The following SPEF2 variants were observed in gnomAD, a reference collection of about 807,000 sequenced individuals.
The protein encoded by SPEF2 is sperm flagella and cilia-associated protein 2.
A neutral mutation model predicts 224.6 loss-of-function variants in SPEF2; 187 were observed. The ratio of observed to expected loss-of-function variants is 0.83; its 90% CI spans 0.74 to 0.94. SPEF2 has a LOEUF of 0.94. Among genes scored for constraint, SPEF2 ranks in the 40% least tolerant of loss-of-function variants. The pLI is 0.00. For synonymous variants in SPEF2, 715 were observed against 707.3 expected (o/e 1.01, Z -0.17); for missense variants, 2,170 against 2,135.6 (o/e 1.02, Z -0.32).
chr5:35,786,358 T>G (rs1238685163), intron 30 of SPEF2, among the ~76,000 whole-genome samples: 1 of 152,132 alleles, frequency 6.6e-6, no homozygotes, highest in Non-Finnish European at 1.5e-5. Flanking sequence ...GCAAAAAGAC[T>G]GATTAAAAAG....
intron 10 of SPEF2, among the ~76,000 whole-genome samples, chr5:35,672,368 C>G (rs1227038780): frequency 7.7e-6 from 1 of 130,590 alleles, no homozygotes; most frequent in Non-Finnish European, 1.6e-5. Context: ...TTATTATGTT[C>G]AAGCAAATGT....
chr5:35,704,005 A>G (rs998004885), intron 16 of SPEF2, among the ~76,000 whole-genome samples: 2 of 152,104 alleles, frequency 1.3e-5, no homozygotes, highest in African/African-American at 2.4e-5. Context: ...ACTTTGTACC[A>G]TTAATCCAGA....
intron 23 of SPEF2, among the ~76,000 whole-genome samples, chr5:35,742,166 T>A (rs1747754518): frequency 6.6e-6 from 1 of 152,220 alleles, no homozygotes; most frequent in Non-Finnish European, 1.5e-5. Flanking sequence ...TTTTTATGAC[T>A]AAAGGATATG....
At position 35,692,709 on chromosome 5, in the gene SPEF2, G is replaced by T; in HGVS notation, c.1884G>T (p.Glu628Asp). ...ATGCTCTACCAGTTCTGCAAGAGGAGATTAAAGAAAGCCAGGCAAGTGTGA... is the reference window on the plus strand; with the variant it reads ...ATGCTCTACCAGTTCTGCAAGAGGATATTAAAGAAAGCCAGGCAAGTGTGA... ...EEDALPVLQE[E>D]IKESQDPQHV... Residue 628 changes from glutamate (E) to aspartate (D), a missense_variant, in exon 12 of 37, where the codon GAG becomes GAT. Transcript: ENST00000356031. 6.2e-7 allele frequency: 1 copy of T among 1,612,406 alleles called. No homozygotes were observed. The highest frequency in any genetic ancestry group is 8.5e-7 in the Non-Finnish European group (1 of 1,179,596).
chr5:35,705,410 A>T (rs1201485322), intron 17 of SPEF2, among the ~76,000 whole-genome samples: 1 of 151,984 alleles, frequency 6.6e-6, no homozygotes, highest in Non-Finnish European at 1.5e-5. Flanking sequence ...CTGTACTCCT[A>T]CTAAAAGTTT....
intron 17 of SPEF2, among the ~76,000 whole-genome samples, chr5:35,705,399 C>A (rs1193519602): frequency 6.6e-6 from 1 of 151,976 alleles, no homozygotes; most frequent in African/African-American, 2.4e-5. Context: ...CACTTAGAGA[C>A]CTGTACTCCT....
intron 20 of SPEF2, among the ~76,000 whole-genome samples, chr5:35,727,131 C>T (rs1744800952): frequency 6.6e-6 from 1 of 152,100 alleles, no homozygotes. Context: ...ATAATTTCCC[C>T]ACAGAAACGC....
At chr5:35,625,152 C>G (rs183796977) in intron 1 of SPEF2, among the ~76,000 whole-genome samples, 1 of 152,188 alleles carries the variant, frequency 6.6e-6, no homozygotes, top group Admixed American at 6.5e-5. Context: ...TCTGAAGTGT[C>G]TTATGCATAA....
intron 25 of SPEF2, 22 bp from the exon 26 acceptor site, chr5:35,763,500 T>C: frequency 6.6e-7 from 1 of 1,526,486 alleles, no homozygotes; most frequent in South Asian, 1.3e-5. Flanking sequence ...TTTTATCCTT[T>C]TTGCTTGTTT....
chr5:35,722,972 G>T (rs1744010399), intron 20 of SPEF2, among the ~76,000 whole-genome samples: 1 of 152,036 alleles, frequency 6.6e-6, no homozygotes, highest in Non-Finnish European at 1.5e-5. Flanking sequence ...CAAAATTTAG[G>T]CTCACAGATG....
chr5:35,623,198 T>C (rs959640201), intron 1 of SPEF2, among the ~76,000 whole-genome samples: 2 of 152,214 alleles, frequency 1.3e-5, no homozygotes, highest in Admixed American at 1.3e-4. Flanking sequence ...ATTGGTTATG[T>C]TCAGCTGGAG....
intron 21 of SPEF2, among the ~76,000 whole-genome samples, chr5:35,728,759 G>A (rs1282924118): frequency 1.3e-5 from 2 of 152,118 alleles, no homozygotes; most frequent in Non-Finnish European, 2.9e-5. Context: ...TTAGCATTGA[G>A]AGTGAAATTA....
At chr5:35,793,099 AG>A (rs372669527) in intron 31 of SPEF2, 59 bp from the exon 32 acceptor site, 1 of 1,460,930 alleles carries the variant, frequency 6.8e-7, no homozygotes, top group African/African-American at 1.4e-5. Flanking sequence ...AATATGAGCA[AG>A]TAGAGCATCA....
chr5:35,647,696 A>G lies in SPEF2; in HGVS notation c.726+889A>G, dbSNP rs80175158. ...GCCATGGGTACAGCAGGGGCCAGTC[A>G]AGGTACACATAGCATATGTATGCCA... On this transcript the variant is annotated intron_variant, in intron 5 of 36. Transcript: ENST00000356031. Among the ~76,000 whole-genome samples, 1,377 of 152,242 alleles carry G rather than the reference A, an allele frequency of 9.0e-3. 17 individuals carry two copies. The highest frequency in any genetic ancestry group is 0.032 in the African/African-American group (1,340 of 41,502).
chr5:35,694,575 G>C (rs1755020450), intron 13 of SPEF2, among the ~76,000 whole-genome samples: 1 of 152,204 alleles, frequency 6.6e-6, no homozygotes, highest in Non-Finnish European at 1.5e-5. Context: ...AATCTTTTCA[G>C]CCTCCTTCGA....
At chr5:35,752,378 C>T (rs146269149) in intron 23 of SPEF2, among the ~76,000 whole-genome samples, 1 of 152,022 alleles carries the variant, frequency 6.6e-6, no homozygotes, top group East Asian at 1.9e-4. Context: ...AGCCTTGAAC[C>T]CTTGGGCTCA....
chr5:35,709,256 G>C, intron 19 of SPEF2, 135 bp downstream of exon 19: 1 of 1,477,422 alleles, frequency 6.8e-7, no homozygotes, highest in East Asian at 2.5e-5. Flanking sequence ...ACACTCAGAT[G>C]GAAGTGGAAA....
intron 34 of SPEF2, among the ~76,000 whole-genome samples, chr5:35,802,995 A>G (rs1008922496): frequency 1.3e-5 from 2 of 152,150 alleles, no homozygotes; most frequent in African/African-American, 4.8e-5. Flanking sequence ...ATCTATTTCT[A>G]CTGCTAAATG....
chr5:35,702,211 G>A (rs1322165407), intron 16 of SPEF2: 1 of 456,236 alleles, frequency 2.2e-6, no homozygotes, highest in Non-Finnish European at 4.4e-6. Flanking sequence ...GCAACATGCA[G>A]TTCTGCAGTG....
Sources: gnomAD v4.1 joint callset for allele counts (sites outside exome capture counted in the v4.1 genomes callset) on GRCh38, gnomAD v4.1.1 for gene constraint, MANE v1.5 for transcripts, NCBI Gene and HGNC (gene_info 2026-07-23, HGNC 2026-07-21) for gene names.